Variants in SETD3 observed in about 807,000 individuals in gnomAD.
The protein encoded by SETD3 is actin-histidine N-methyltransferase.
In SETD3, 19 loss-of-function variants were observed where a neutral mutation model predicts 63.0. That is an observed-to-expected ratio of 0.30 (90% confidence interval 0.21 to 0.44). The LOEUF (loss-of-function observed/expected upper bound fraction) is 0.44, where lower values mean the gene tolerates loss of function less well. Ranked by LOEUF, SETD3 falls within the 20% of genes least tolerant of loss-of-function variation. The probability of loss-of-function intolerance (pLI) is 1.00; values close to 1 mark genes in which losing one functional copy is unlikely to be tolerated. For synonymous variants in SETD3, 286 were observed against 264.1 expected (o/e 1.08, Z -0.80); for missense variants, 587 against 728.5 (o/e 0.81, Z 2.24).
intron 4 of SETD3, 55 bp from the exon 5 acceptor site, chr14:99,459,240 C>T: frequency 1.6e-6 from 2 of 1,240,528 alleles, no homozygotes; most frequent in Non-Finnish European, 2.3e-6. Flanking sequence ...AGTCTTCAAT[C>T]CAACCATATC....
chr14:99,441,908 G>C (rs1020517638), intron 6 of SETD3, among the ~76,000 whole-genome samples: 1 of 152,236 alleles, frequency 6.6e-6, no homozygotes, highest in African/African-American at 2.4e-5. Context: ...TTGGAAGAAA[G>C]AAGAGTGGCC....
rs548779044 is a variant in SETD3, at chr14:99,430,177, G to A, written c.676-16243C>T. 1.3e-4 allele frequency among the ~76,000 whole-genome samples: 20 copies of A among 152,338 alleles called. 1 individual carries two copies. Among genetic ancestry groups the A allele is most frequent in the Middle Eastern group, 6.8e-3 (2 of 294 alleles). On this transcript the variant is annotated intron_variant, in intron 6 of 12. Coordinates refer to ENST00000331768, the MANE Select transcript of SETD3 (RefSeq NM_032233.3). ...CTGGCTCCCACTGAGGAGGAGAAGAGTAAAGAAAGATCTCTGCTCTCTGAA... is the reference window on the plus strand; with the variant it reads ...CTGGCTCCCACTGAGGAGGAGAAGAATAAAGAAAGATCTCTGCTCTCTGAA...
chr14:99,465,656 G>A (rs749033413), intron 2 of SETD3, 47 bp downstream of exon 2: 2 of 1,472,346 alleles, frequency 1.4e-6, no homozygotes, highest in South Asian at 2.3e-5. Flanking sequence ...AGAAGAAAAA[G>A]GCACAGCCAC....
intron 7 of SETD3, among the ~76,000 whole-genome samples, chr14:99,413,568 C>T (rs751052877): frequency 5.9e-5 from 9 of 152,316 alleles, no homozygotes; most frequent in Non-Finnish European, 1.0e-4. Context: ...TTTACACTAA[C>T]ATAGTCTTTT....
At chr14:99,455,637 G>A (rs978721116) in intron 6 of SETD3, among the ~76,000 whole-genome samples, 1 of 152,168 alleles carries the variant, frequency 6.6e-6, no homozygotes, top group African/African-American at 2.4e-5. Context: ...AGTGTTGGTA[G>A]GCCTCAGGCT....
intron 6 of SETD3, among the ~76,000 whole-genome samples, chr14:99,440,473 G>C (rs1375107814): frequency 6.6e-6 from 1 of 152,144 alleles, no homozygotes; most frequent in African/African-American, 2.4e-5. Flanking sequence ...AGGGGACAGG[G>C]TCAGGAGCAA....
intron 1 of SETD3, among the ~76,000 whole-genome samples, chr14:99,473,096 CAAGACACACTTTAG>C: frequency 6.6e-6 from 1 of 152,312 alleles, no homozygotes; most frequent in Middle Eastern, 3.4e-3. Context: ...ATCTAACAGA[CAAGACACACTTTAG>C]AAGACAGAGA....
At chr14:99,413,095 T>G (rs1250770731) in intron 7 of SETD3, 30 bp from the exon 8 acceptor site, 2 of 1,394,394 alleles carry the variant, frequency 1.4e-6, no homozygotes, top group African/African-American at 2.9e-5. Flanking sequence ...GACTTAAGGT[T>G]GGAACATTTA....
At chr14:99,481,169 G>T, upstream of SETD3, 1 of 371,282 alleles carries the variant, frequency 2.7e-6, no homozygotes, top group East Asian at 3.9e-5. Flanking sequence ...TAGCAGGTTC[G>T]GTTGCTCCAG....
chr14:99,404,169 C>A, intron 11 of SETD3, 56 bp downstream of exon 11: 1 of 1,446,318 alleles, frequency 6.9e-7, no homozygotes. Flanking sequence ...ATGCTTTACA[C>A]TTTCATGATT....
At chr14:99,431,870 A>T (rs1241019873) in intron 6 of SETD3, among the ~76,000 whole-genome samples, 2 of 152,194 alleles carry the variant, frequency 1.3e-5, no homozygotes, top group Non-Finnish European at 2.9e-5. Context: ...ATCCCACAAC[A>T]CACACTGGAT....
chr14:99,470,717 A>G (rs537521395), intron 1 of SETD3, among the ~76,000 whole-genome samples: 2 of 152,198 alleles, frequency 1.3e-5, no homozygotes, highest in East Asian at 1.9e-4. Flanking sequence ...CCCATCTACT[A>G]TGAACTTGGA....
upstream of SETD3, among the ~76,000 whole-genome samples, chr14:99,484,374 A>G (rs1316621288): frequency 6.6e-6 from 1 of 152,246 alleles, no homozygotes; most frequent in East Asian, 1.9e-4. Context: ...CCCATGTGCT[A>G]TGCACATCAT....
chr14:99,405,416 G>C, intron 9 of SETD3, 45 bp from the exon 10 acceptor site: 3 of 1,589,668 alleles, frequency 1.9e-6, no homozygotes, highest in Non-Finnish European at 2.6e-6. Flanking sequence ...AGACAAACTT[G>C]GCATGTATTC....
At chr14:99,442,345 T>C (rs1401603399) in intron 6 of SETD3, among the ~76,000 whole-genome samples, 2 of 152,252 alleles carry the variant, frequency 1.3e-5, no homozygotes, top group African/African-American at 4.8e-5. Flanking sequence ...GAGCACCATC[T>C]CTGTGTTGGG....
the SETD3 span, among the ~76,000 whole-genome samples, chr14:99,486,189 C>A: frequency 5.3e-5 from 8 of 152,208 alleles, no homozygotes; most frequent in Non-Finnish European, 2.9e-5. Flanking sequence ...ACTACCATCT[C>A]TGGTTTAAAG....
intron 6 of SETD3, among the ~76,000 whole-genome samples, chr14:99,422,499 G>A (rs939847812): frequency 2.0e-5 from 3 of 152,182 alleles, no homozygotes; most frequent in Non-Finnish European, 4.4e-5. Flanking sequence ...AGTAGTCTAT[G>A]AGGAGCTCAT....
chr14:99,465,590 A>G (rs1415464192), intron 2 of SETD3, 113 bp downstream of exon 2: 1 of 792,226 alleles, frequency 1.3e-6, no homozygotes, highest in African/African-American at 1.7e-5. Context: ...CACAGCTAAT[A>G]AGCTTGGACC....
At chr14:99,434,544 A>C (rs188499131) in intron 6 of SETD3, among the ~76,000 whole-genome samples, 3 of 152,302 alleles carry the variant, frequency 2.0e-5, no homozygotes, top group Non-Finnish European at 4.4e-5. Context: ...TGGTTGTGCT[A>C]CTTGAGTACA....
Sources: allele counts gnomAD v4.1 joint callset (sites outside exome capture counted in the v4.1 genomes callset), GRCh38; gene constraint gnomAD v4.1.1; transcripts MANE v1.5; gene names NCBI Gene and HGNC (gene_info 2026-07-23, HGNC 2026-07-21).